GREM1: variants seen among roughly 807,000 people sequenced by gnomAD.
GREM1 encodes the protein gremlin 1, DAN family BMP antagonist.
GREM1 carries 6 observed loss-of-function variants against 13.1 expected under a neutral mutation model. The ratio of observed to expected loss-of-function variants is 0.46; its 90% CI spans 0.25 to 0.91. GREM1 has a LOEUF of 0.91. Ranked by LOEUF, GREM1 falls within the 40% of genes least tolerant of loss-of-function variation. The pLI is 0.18. For missense variants in GREM1, 185 were observed against 233.9 expected (o/e 0.79, Z 1.36); for synonymous variants, 98 against 93.7 (o/e 1.05, Z -0.27).
chr15:32,721,807 C>A (rs1014781868), intron 1 of GREM1, among the ~76,000 whole-genome samples: 3 of 152,142 alleles, frequency 2.0e-5, no homozygotes, highest in Admixed American at 6.5e-5. Context: ...CAGAACAGAA[C>A]CTGTAACTTG....
chr15:32,730,048 G>A (rs1278106499), intron 1 of GREM1, among the ~76,000 whole-genome samples: 2 of 152,120 alleles, frequency 1.3e-5, no homozygotes, highest in East Asian at 1.9e-4. Flanking sequence ...ACGAAGTATT[G>A]GTATCTTTGC....
rs1197694007 is a variant in GREM1 at position 32,736,723 on chromosome 15, G to A, written c.*5478G>A. The A allele has an allele frequency of 6.6e-6, 1 of 152,208 alleles. No homozygotes were observed. Among genetic ancestry groups the A allele is most frequent in the Non-Finnish European group, 1.5e-5 (1 of 68,046 alleles). 9.4% of individuals were successfully genotyped at this position (152,208 alleles called of 1,614,324 possible). ...GACTTTACAGAATTAGTTCAGAAAA[G>A]TCATTAAACAAAGAAACAACAACAA... On this transcript the variant is annotated 3_prime_UTR_variant, in exon 2 of 2. Transcript: ENST00000651154.
rs1217725101 is a variant in GREM1 at position 32,735,678 on chromosome 15, G to A, written c.*4433G>A. 6.6e-6 allele frequency: 1 copy of A among 151,070 alleles called. No homozygotes were observed. The highest frequency in any genetic ancestry group is 1.5e-5 in the Non-Finnish European group (1 of 67,902). The allele number at this position is 151,070 out of a possible 1,614,324, so 9.4% of individuals were successfully genotyped here. ...GGGGAGAATGGAAGCAAGTACCAAG[G>A]AGAAAGTGTTCTCAGAAAAGCCACA... On this transcript the variant is annotated 3_prime_UTR_variant, in exon 2 of 2. Coordinates refer to ENST00000651154, the MANE Select transcript of GREM1 (RefSeq NM_013372.7).
intron 1 of GREM1, among the ~76,000 whole-genome samples, chr15:32,729,087 G>A (rs1331842585): frequency 2.6e-5 from 4 of 150,958 alleles, no homozygotes; most frequent in African/African-American, 7.3e-5. Flanking sequence ...GCAGTGGCGC[G>A]ATCTCGGCTC....
rs2055703570 is a variant in GREM1, at chr15:32,736,874, A to T, written c.*5629A>T. 6.6e-6 allele frequency: 1 copy of T among 152,148 alleles called. No individual in the cohort carries two copies. Among genetic ancestry groups the T allele is most frequent in the Non-Finnish European group, 1.5e-5 (1 of 68,024 alleles). 9.4% of individuals were successfully genotyped at this position (152,148 alleles called of 1,614,324 possible). On this transcript the variant is annotated 3_prime_UTR_variant, in exon 2 of 2. Transcript: ENST00000651154. Reference sequence around the variant, plus strand: ...ACCAGTCTCCTTTCCTGGCTCTCTCAAGTCATTTTCAGACCAGGTTAGGAG... The same window carrying T: ...ACCAGTCTCCTTTCCTGGCTCTCTCTAGTCATTTTCAGACCAGGTTAGGAG...
At chr15:32,718,321 C>T (rs2055332117) in intron 1 of GREM1, 160 bp downstream of exon 1, 1 of 570,348 alleles carries the variant, frequency 1.8e-6, no homozygotes, top group Non-Finnish European at 3.2e-6. Context: ...TCGCGGGGTC[C>T]TTCCTGCTGA....
chr15:32,720,946 C>G (rs986285923), intron 1 of GREM1, among the ~76,000 whole-genome samples: 3 of 152,184 alleles, frequency 2.0e-5, no homozygotes, highest in Middle Eastern at 3.4e-3. Flanking sequence ...CACCTGAGGT[C>G]GGGAGTTCGA....
Position 32,736,368 on chromosome 15 carries a change from C to G in GREM1, c.*5123C>G, listed in dbSNP as rs564416758. 5.3e-5 allele frequency: 8 copies of G among 152,226 alleles called. No individual in the cohort carries two copies. The South Asian group carries it at 1.7e-3, about 32-fold the overall frequency. 9.4% of individuals were successfully genotyped at this position (152,226 alleles called of 1,614,324 possible). On this transcript the variant is annotated 3_prime_UTR_variant, in exon 2 of 2. Transcript: ENST00000651154. ...ATTTTCATAGGGACTTTGAAAAGCT[C>G]CAAAGTGTTATTGGCAATCTAGACT... is the stretch of plus-strand genomic sequence containing the variant.
chr15:32,741,013 A>G lies in GREM1; in HGVS notation c.*9768A>G, dbSNP rs1488214265. On this transcript the variant is annotated 3_prime_UTR_variant, in exon 2 of 2. Transcript: ENST00000651154. ...TGATAAGAAGACTGGATGGCACCAC[A>G]TGGGATAGGGGGAAAGTAGTTGAAA... 1 of 152,204 alleles carries G rather than the reference A, an allele frequency of 6.6e-6. No individual in the cohort carries two copies. The highest frequency in any genetic ancestry group is 1.5e-5 in the Non-Finnish European group (1 of 68,030). 9.4% of individuals were successfully genotyped at this position (152,204 alleles called of 1,614,324 possible).
chr15:32,718,328 C>T (rs1212611096), intron 1 of GREM1, 167 bp downstream of exon 1: 1 of 550,248 alleles, frequency 1.8e-6, no homozygotes, highest in South Asian at 1.5e-5. Context: ...GTCCTTCCTG[C>T]TGAGGCCGCG....
chr15:32,738,125 A>AAAAAAAAAAAAAAAACCAAAC lies in GREM1; in HGVS notation c.*6888_*6889insAAAAAAACCAAACAAAAAAAA. The AAAAAAAAAAAAAAAACCAAAC allele has an allele frequency of 2.9e-4, 8 of 27,986 alleles. 3 individuals carry two copies. The highest frequency in any genetic ancestry group is 1.2e-3 in the African/African-American group (8 of 6,600). 1.7% of individuals were successfully genotyped at this position (27,986 alleles called of 1,614,324 possible). Reference sequence around the variant, plus strand: ...AAAAAAAAAAAAAAAAAAAAAAAAAAAAAAAAAAGAAAAGAAAAAAGTCAT... The same window carrying AAAAAAAAAAAAAAAACCAAAC: ...AAAAAAAAAAAAAAAAAAAAAAAAAAAAAAAAAAAAAAAAACCAAACAAAAAAAAGAAAAGAAAAAAGTCAT... On this transcript the variant is annotated 3_prime_UTR_variant, in exon 2 of 2. Coordinates refer to ENST00000651154, the MANE Select transcript of GREM1 (RefSeq NM_013372.7).
At chr15:32,718,407 G>A (rs1030978613) in intron 1 of GREM1, 3 of 483,682 alleles carry the variant, frequency 6.2e-6, no homozygotes, top group African/African-American at 3.9e-5. Flanking sequence ...GAGCGGGCAG[G>A]ATGACCCCCA....
chr15:32,738,275 A>C lies in GREM1; in HGVS notation c.*7030A>C, dbSNP rs1171709120. 6.6e-6 allele frequency: 1 copy of C among 151,980 alleles called. No individual in the cohort carries two copies. Among genetic ancestry groups the C allele is most frequent in the African/African-American group, 2.4e-5 (1 of 41,416 alleles). The allele number at this position is 151,980 out of a possible 1,614,324, so 9.4% of individuals were successfully genotyped here. A position where few individuals can be genotyped will look rare whatever the true frequency, so the allele number is the denominator to read the frequency against. On this transcript the variant is annotated 3_prime_UTR_variant, in exon 2 of 2. Transcript: ENST00000651154. ...CATGATTTCAGCAAGGTTGCAGGAT[A>C]CAAGATCAACATACAGATATAAATT...
Position 32,718,137 on chromosome 15 carries a change from C to T in GREM1, c.-26C>T. 1 of 1,307,716 alleles carries T rather than the reference C, an allele frequency of 7.6e-7. No individual in the cohort carries two copies. Among genetic ancestry groups the T allele is most frequent in the Non-Finnish European group, 1.0e-6 (1 of 1,002,090 alleles). The allele number at this position is 1,307,716 out of a possible 1,614,324, so 81.0% of individuals were successfully genotyped here. ...CAGCGCCACGCGTCGAAAGCGCAGG[C>T]CCCGAGGACCCGCCGCACTGACAGG... is the stretch of plus-strand genomic sequence containing the variant. On this transcript the variant is annotated 5_prime_UTR_variant, in exon 1 of 2. Coordinates refer to ENST00000651154, the MANE Select transcript of GREM1 (RefSeq NM_013372.7).
intron 1 of GREM1, among the ~76,000 whole-genome samples, chr15:32,724,245 C>T (rs113388394): frequency 2.0e-5 from 3 of 152,310 alleles, no homozygotes; most frequent in African/African-American, 7.2e-5. Context: ...TTTATGGAAT[C>T]GGCCTTATGA....
chr15:32,718,584 G>C, intron 1 of GREM1: 1 of 421,236 alleles, frequency 2.4e-6, no homozygotes, highest in South Asian at 1.7e-5. Flanking sequence ...GTTGCCTTGA[G>C]AGGGTCCCAT....
At chr15:32,723,209 G>A (rs546879680) in intron 1 of GREM1, among the ~76,000 whole-genome samples, 10 of 152,152 alleles carry the variant, frequency 6.6e-5, no homozygotes, top group Non-Finnish European at 1.0e-4. Flanking sequence ...CTACATCTCT[G>A]ATATTTACAA....
At position 32,733,564 on chromosome 15, in the gene GREM1, C is replaced by G. The variant is rs1200727461; in HGVS notation, c.*2319C>G. 2.1e-5 allele frequency: 5 copies of G among 233,234 alleles called. No homozygotes were observed. Among genetic ancestry groups the G allele is most frequent in the Non-Finnish European group, 4.6e-5 (5 of 108,856 alleles). 14.4% of individuals were successfully genotyped at this position (233,234 alleles called of 1,614,324 possible). On this transcript the variant is annotated 3_prime_UTR_variant, in exon 2 of 2. Coordinates refer to ENST00000651154, the MANE Select transcript of GREM1 (RefSeq NM_013372.7). ...CTGGGATAATCAGCAGCGTAACTAC[C>G]CTAAAAGCATATCACTAGCCAAAGA...
rs988979344 is a variant in GREM1 at position 32,735,472 on chromosome 15, G to C, written c.*4227G>C. 9.9e-5 allele frequency: 15 copies of C among 151,980 alleles called. No homozygotes were observed. The highest frequency in any genetic ancestry group is 1.8e-4 in the Non-Finnish European group (12 of 68,010). The allele number at this position is 151,980 out of a possible 1,614,324, so 9.4% of individuals were successfully genotyped here. ...TGCAAAACTGTGAGCAACTTTTATCGGTTTGTTCTTTTAAGAACATAACAC... is the reference window on the plus strand; with the variant it reads ...TGCAAAACTGTGAGCAACTTTTATCCGTTTGTTCTTTTAAGAACATAACAC... On this transcript the variant is annotated 3_prime_UTR_variant, in exon 2 of 2. Coordinates refer to ENST00000651154, the MANE Select transcript of GREM1 (RefSeq NM_013372.7).
Sources: gnomAD v4.1 joint callset for allele counts (sites outside exome capture counted in the v4.1 genomes callset) on GRCh38, gnomAD v4.1.1 for gene constraint, MANE v1.5 for transcripts, NCBI Gene and HGNC (gene_info 2026-07-23, HGNC 2026-07-21) for gene names.